OLFM1: variants seen among roughly 807,000 people sequenced by gnomAD.
OLFM1 encodes the protein olfactomedin 1, also known as noelin.
In OLFM1, 9 loss-of-function variants were observed where a neutral mutation model predicts 49.7. That is an observed-to-expected ratio of 0.18 (90% CI 0.11 to 0.32). OLFM1 has a LOEUF of 0.32. OLFM1 is among the 10% of genes least tolerant of loss of function. The pLI, the probability that OLFM1 is intolerant of heterozygous loss-of-function variation, is 1.00. For missense variants in OLFM1, 369 were observed against 661.8 expected (o/e 0.56, Z 4.85); for synonymous variants, 240 against 271.8 (o/e 0.88, Z 1.15).
rs372487685 is a variant in OLFM1 at position 135,090,644 on chromosome 9, C to T, written c.300+300C>T. Among the ~76,000 whole-genome samples the T allele has an allele frequency of 1.6e-3, 251 of 152,238 alleles. 10 individuals are homozygous for T. In the South Asian group the frequency reaches 0.049, roughly 30 times the overall value. On this transcript the variant is annotated intron_variant, in intron 2 of 5. Transcript: ENST00000371793. ...AGAGAGGACTAGACCTGCCCCCTGT[C>T]ACCACAGGCTCCACTGAGAAGTCAC...
At chr9:135,100,529 C>T (rs1020953931) in intron 4 of OLFM1, among the ~76,000 whole-genome samples, 4 of 152,180 alleles carry the variant, frequency 2.6e-5, no homozygotes, top group African/African-American at 4.8e-5. Flanking sequence ...GGAAGGGCTG[C>T]GACACGTAGG....
chr9:135,098,035 G>A lies in OLFM1; in HGVS notation c.457-251G>A, dbSNP rs975246706. On this transcript the variant is annotated intron_variant, in intron 3 of 5. Coordinates refer to ENST00000371793, the MANE Select transcript of OLFM1 (RefSeq NM_001282611.2). This position sits in a 1 kb window ranked among gnomAD's most constrained non-coding sequence, Gnocchi z 5.6. ...GAAAAAGAAAGAAAAAAAAAACTTC[G>A]TGTATGTGACTCAAAGCATGTAACC... 39 of 1,419,622 alleles carry A rather than the reference G, an allele frequency of 2.7e-5. No individual in the cohort carries two copies. The highest frequency in any genetic ancestry group is 4.3e-5 in the African/African-American group (3 of 69,456). The allele number at this position is 1,419,622 out of a possible 1,614,324, so 87.9% of individuals were successfully genotyped here.
At chr9:135,114,154 A>G (rs1831063391) in intron 5 of OLFM1, among the ~76,000 whole-genome samples, 1 of 42,080 alleles carries the variant, frequency 2.4e-5, no homozygotes, top group African/African-American at 1.5e-4. Context: ...TTTTTTTGAG[A>G]CAGGGTCTCA....
chr9:135,095,708 G>T (rs754076228), intron 2 of OLFM1, among the ~76,000 whole-genome samples, 156 bp from the exon 3 acceptor site: 20 of 152,236 alleles, frequency 1.3e-4, no homozygotes, highest in South Asian at 6.2e-4. Context: ...CTCACAGTCC[G>T]CGATGCTGGC....
chr9:135,102,748 G>A (rs537750755), intron 4 of OLFM1, among the ~76,000 whole-genome samples: 34 of 152,218 alleles, frequency 2.2e-4, no homozygotes, highest in Admixed American at 5.9e-4. Flanking sequence ...TTCCCGGATT[G>A]CAGGAGGTAA....
chr9:135,104,181 G>C lies in OLFM1; in HGVS notation c.677-2568G>C, dbSNP rs560327531. Among the ~76,000 whole-genome samples, 297 of 152,316 alleles carry C rather than the reference G, an allele frequency of 1.9e-3. 1 individual carries two copies. The highest frequency in any genetic ancestry group is 3.2e-3 in the Non-Finnish European group (220 of 68,032). On this transcript the variant is annotated intron_variant, in intron 4 of 5. Transcript: ENST00000371793. ...AGGCAGACCAGGCAAAGTGAAGGAA[G>C]GGCACGTCTTTAGGGCAGAGGTGTC... is the stretch of plus-strand genomic sequence containing the variant.
Position 135,088,092 on chromosome 9 carries a change from A to C in OLFM1, c.103A>C (p.Thr35Pro). Residue 35 changes from threonine (T) to proline (P), a missense_variant, in exon 1 of 6, where the codon ACC becomes CCC. Around this residue, in one of 3 missense-constraint regions of OLFM1, gnomAD observed 55 missense variants for 53.3 expected, o/e 1.03. Transcript: ENST00000371793. The surrounding 1 kb of genome is among the most constrained non-coding windows in gnomAD (Gnocchi z 4.8). ...GCCCTCGCTGGTGGGCCTCAACACC[A>C]CCAAGCTCTCGGCGGCCGGCGGCGG... ...TLPSLVGLNT[T>P]KLSAAGGGTL... 1 of 1,426,172 alleles carries C rather than the reference A, an allele frequency of 7.0e-7. No individual in the cohort carries two copies. Among genetic ancestry groups the C allele is most frequent in the South Asian group, 1.4e-5 (1 of 69,906 alleles). 88.3% of individuals were successfully genotyped at this position (1,426,172 alleles called of 1,614,324 possible). A position where few individuals can be genotyped will look rare whatever the true frequency, so the allele number is the denominator to read the frequency against.
chr9:135,098,088 T>A lies in OLFM1; in HGVS notation c.457-198T>A. 7.0e-7 allele frequency: 1 copy of A among 1,431,992 alleles called. No homozygotes were observed. The highest frequency in any genetic ancestry group is 9.1e-7 in the Non-Finnish European group (1 of 1,100,140). The allele number at this position is 1,431,992 out of a possible 1,614,324, so 88.7% of individuals were successfully genotyped here. A position where few individuals can be genotyped will look rare whatever the true frequency, so the allele number is the denominator to read the frequency against. ...AAGATGTTGCATTCTAAACTGACAATAAAGACCTTTCCCAAATATGCTGGT... is the reference window on the plus strand; with the variant it reads ...AAGATGTTGCATTCTAAACTGACAAAAAAGACCTTTCCCAAATATGCTGGT... On this transcript the variant is annotated intron_variant, in intron 3 of 5. Coordinates refer to ENST00000371793, the MANE Select transcript of OLFM1 (RefSeq NM_001282611.2). The surrounding 1 kb of genome is among the most constrained non-coding windows in gnomAD (Gnocchi z 5.6).
upstream of OLFM1, among the ~76,000 whole-genome samples, chr9:135,083,039 T>C (rs1830551671): frequency 6.6e-6 from 1 of 152,240 alleles, no homozygotes; most frequent in Non-Finnish European, 1.5e-5. Context: ...CTCTTTGATG[T>C]TTCTCATCAT....
intron 4 of OLFM1, among the ~76,000 whole-genome samples, chr9:135,099,753 T>G (rs2119120130): frequency 6.6e-6 from 1 of 152,324 alleles, no homozygotes; most frequent in East Asian, 1.9e-4. Flanking sequence ...TTCAGCTCTG[T>G]GCTCCATGGT....
intron 5 of OLFM1, among the ~76,000 whole-genome samples, chr9:135,114,883 C>T (rs766368268): frequency 3.3e-5 from 5 of 152,144 alleles, no homozygotes; most frequent in East Asian, 1.9e-4. Flanking sequence ...GCCCCAGACA[C>T]GGATTATTCC....
chr9:135,105,138 G>C (rs1430693648), intron 4 of OLFM1, among the ~76,000 whole-genome samples: 1 of 152,210 alleles, frequency 6.6e-6, no homozygotes, highest in Non-Finnish European at 1.5e-5. Flanking sequence ...AGCCATGAGG[G>C]GACAATATTT....
Position 135,099,645 on chromosome 9 carries a change from C to T in OLFM1, c.676+1140C>T, listed in dbSNP as rs142741119. On this transcript the variant is annotated intron_variant, in intron 4 of 5. Coordinates refer to ENST00000371793, the MANE Select transcript of OLFM1 (RefSeq NM_001282611.2). ...CACAAAGCTTTAAATTCCCCAGTCCCGAAACAGAGACAATAAGAAATGCTT... is the reference window on the plus strand; with the variant it reads ...CACAAAGCTTTAAATTCCCCAGTCCTGAAACAGAGACAATAAGAAATGCTT... 1.7e-4 allele frequency among the ~76,000 whole-genome samples: 26 copies of T among 152,274 alleles called. No individual in the cohort carries two copies. In the East Asian group the frequency reaches 4.4e-3, roughly 26 times the overall value.
At chr9:135,111,462 C>T (rs765548031) in intron 5 of OLFM1, among the ~76,000 whole-genome samples, 3 of 152,122 alleles carry the variant, frequency 2.0e-5, no homozygotes, top group African/African-American at 4.8e-5. Flanking sequence ...GAGACCTCCA[C>T]GACCCCCAGG....
upstream of OLFM1, among the ~76,000 whole-genome samples, chr9:135,084,514 T>G (rs1830573719): frequency 6.6e-6 from 1 of 151,688 alleles, no homozygotes; most frequent in Non-Finnish European, 1.5e-5. This position sits in a 1 kb window ranked among gnomAD's most constrained non-coding sequence, Gnocchi z 4.6. Flanking sequence ...CTCCTCTCTC[T>G]CTGTCTCTCT....
At chr9:135,106,878 G>T in intron 5 of OLFM1, 23 bp downstream of exon 5, 2 of 1,564,172 alleles carry the variant, frequency 1.3e-6, no homozygotes. Context: ...TTATGTCATA[G>T]GGGGTCATTT....
intron 4 of OLFM1, among the ~76,000 whole-genome samples, chr9:135,104,489 C>T (rs1027665842): frequency 4.6e-5 from 7 of 152,140 alleles, no homozygotes; most frequent in African/African-American, 1.7e-4. Flanking sequence ...GAAGGCCCGG[C>T]GTGTTGACTG....
In OLFM1 at chr9:135,113,548, G is replaced by A. The variant is rs1017987045; in HGVS notation, c.784-5956G>A. ...GAGGGGTGGAAACTCCCCAGGTCTC[G>A]CTGGAGACTGGCGGTGGCTGGCGGT... On this transcript the variant is annotated intron_variant, in intron 5 of 5. Coordinates refer to ENST00000371793, the MANE Select transcript of OLFM1 (RefSeq NM_001282611.2). This position sits in a 1 kb window ranked among gnomAD's most constrained non-coding sequence, Gnocchi z 4.0. Among the ~76,000 whole-genome samples, 2 of 152,308 alleles carry A rather than the reference G, an allele frequency of 1.3e-5. No homozygotes were observed. The highest frequency in any genetic ancestry group is 2.1e-4 in the South Asian group (1 of 4,828).
At chr9:135,101,036 C>G (rs1267074548) in intron 4 of OLFM1, among the ~76,000 whole-genome samples, 1 of 152,178 alleles carries the variant, frequency 6.6e-6, no homozygotes, top group Non-Finnish European at 1.5e-5. Flanking sequence ...ACTTAAGCAC[C>G]AAATTAATAT....
Sources: gnomAD v4.1 joint callset for allele counts (sites outside exome capture counted in the v4.1 genomes callset) on GRCh38, gnomAD v4.1.1 for gene constraint, gnomAD v4.1.1 regional missense constraint, Gnocchi (gnomAD v3.1) non-coding constraint, MANE v1.5 for transcripts, NCBI Gene and HGNC (gene_info 2026-07-23, HGNC 2026-07-21) for gene names.